The following YWHAG variants were observed in gnomAD, a reference collection of about 807,000 sequenced individuals.
The protein encoded by YWHAG is 14-3-3 protein gamma.
Under a neutral mutation model 23.3 loss-of-function variants are expected in YWHAG, and 1 was observed. The ratio of observed to expected loss-of-function variants is 0.04; its 90% CI spans 0.02 to 0.20. The LOEUF (loss-of-function observed/expected upper bound fraction) is 0.20. YWHAG is among the 10% of genes least tolerant of loss of function. YWHAG has a pLI of 1.00. For missense variants in YWHAG, 151 were observed against 338.6 expected, an observed-to-expected ratio of 0.45 and a Z score of 4.35; for synonymous variants, 160 against 144.0, an observed-to-expected ratio of 1.11 and a Z score of -0.80.
chr7:76,358,934 G>A lies in YWHAG; in HGVS notation c.-126C>T, dbSNP rs994698337. The stretch of plus-strand genomic sequence containing the variant: ...CCACAGAGCGAGCAGCTGAGGCGGC[G>A]GCTGCGCGGAGGAGGCGGCTGGAGC... On this transcript the variant is annotated 5_prime_UTR_variant, in exon 1 of 2. Coordinates refer to ENST00000307630, the MANE Select transcript of YWHAG (RefSeq NM_012479.4). The A allele has an allele frequency of 2.5e-4, 224 of 898,700 alleles. 1 individual carries two copies. The highest frequency in any genetic ancestry group is 2.1e-4 in the Non-Finnish European group (134 of 651,314). 55.7% of individuals were successfully genotyped at this position (898,700 alleles called of 1,614,324 possible). A position where few individuals can be genotyped will look rare whatever the true frequency, so the allele number is the denominator to read the frequency against.
chr7:76,326,834 G>C lies in YWHAG; in HGVS notation c.*2743C>G, dbSNP rs1180226665. On this transcript the variant is annotated 3_prime_UTR_variant, in exon 2 of 2. Transcript: ENST00000307630. The stretch of plus-strand genomic sequence containing the variant: ...AAGTTTATTTGCTCAATGTACGACA[G>C]CTACATAATGACTCACATTCATGAT... The C allele has an allele frequency of 6.6e-6, 1 of 152,608 alleles. No individual in the cohort carries two copies. Among genetic ancestry groups the C allele is most frequent in the East Asian group, 1.9e-4 (1 of 5,198 alleles). 9.5% of individuals were successfully genotyped at this position (152,608 alleles called of 1,614,324 possible).
chr7:76,334,375 T>A (rs1803588346), intron 1 of YWHAG, among the ~76,000 whole-genome samples: 1 of 152,164 alleles, frequency 6.6e-6, no homozygotes. Flanking sequence ...AGATACGGGA[T>A]CTTGTATCAT....
Position 76,329,625 on chromosome 7 carries a change from G to A in YWHAG, c.696C>T (p.Leu232=), listed in dbSNP as rs144055251. The A allele has an allele frequency of 6.3e-4, 1,024 of 1,614,002 alleles. 13 individuals carry two copies. Among genetic ancestry groups the A allele is most frequent in the Middle Eastern group, 1.6e-4 (1 of 6,084 alleles). The change falls in exon 2 of 2, where the codon CTC becomes CTT. Residue 232 remains leucine (L), a synonymous_variant. Coordinates refer to ENST00000307630, the MANE Select transcript of YWHAG (RefSeq NM_012479.4). This position sits in a 1 kb window ranked among gnomAD's most constrained non-coding sequence, Gnocchi z 6.1. ...CGTCGTCCTGCTGGTCGCTCGTCCA[G>A]AGCGTGAGGTTGTCGCGGAGGAGCT... ...IMQLLRDNLT[L]WTSDQQDDDG...
Position 76,327,994 on chromosome 7 carries a change from TACTC to T in YWHAG, c.*1579_*1582del, listed in dbSNP as rs1563660812. On this transcript the variant is annotated 3_prime_UTR_variant, in exon 2 of 2. Coordinates refer to ENST00000307630, the MANE Select transcript of YWHAG (RefSeq NM_012479.4). ...AAGCATCTGTCAGTTTTTCCTCAAT[TACTC>T]ACACCTCTTCTTGCCTAAATAAAAC... 2 of 152,098 alleles carry T rather than the reference TACTC, an allele frequency of 1.3e-5. No homozygotes were observed. Among genetic ancestry groups the T allele is most frequent in the Admixed American group, 6.6e-5 (1 of 15,252 alleles). 9.4% of individuals were successfully genotyped at this position (152,098 alleles called of 1,614,324 possible).
intron 1 of YWHAG, among the ~76,000 whole-genome samples, chr7:76,352,212 C>T (rs1446020586): frequency 6.6e-6 from 1 of 152,176 alleles, no homozygotes; most frequent in Non-Finnish European, 1.5e-5. Flanking sequence ...AATATGGTAG[C>T]TTTAGAGTCA....
rs146036127 is a variant in YWHAG at position 76,356,236 on chromosome 7, C to A, written c.87+2486G>T. 3.5e-4 allele frequency among the ~76,000 whole-genome samples: 54 copies of A among 152,280 alleles called. 1 individual carries two copies. Among genetic ancestry groups the A allele is most frequent in the African/African-American group, 1.2e-3 (51 of 41,544 alleles). ...AGGAAGAAAATTTCTTAGGTAGTTG[C>A]CATTTTGGAACACCTACTACATTTC... On this transcript the variant is annotated intron_variant, in intron 1 of 1. Coordinates refer to ENST00000307630, the MANE Select transcript of YWHAG (RefSeq NM_012479.4).
chr7:76,336,675 C>T lies in YWHAG; in HGVS notation c.88-6442G>A, dbSNP rs183758326. 9.0e-3 allele frequency among the ~76,000 whole-genome samples: 1,362 copies of T among 151,578 alleles called. 27 individuals are homozygous for T. Among genetic ancestry groups the T allele is most frequent in the African/African-American group, 0.031 (1,278 of 41,306 alleles). ...TTCACCACGTTGGCCAGGCTGGTCT[C>T]GAACTCCTGACCTCAGGTGATCCAC... On this transcript the variant is annotated intron_variant, in intron 1 of 1. Transcript: ENST00000307630.
chr7:76,356,658 A>G (rs1352347617), intron 1 of YWHAG, among the ~76,000 whole-genome samples: 2 of 152,252 alleles, frequency 1.3e-5, no homozygotes, highest in Admixed American at 1.3e-4. Context: ...ATTATCGTTT[A>G]AAATTTCTAC....
intron 1 of YWHAG, among the ~76,000 whole-genome samples, chr7:76,335,298 C>A (rs1469429859): frequency 6.6e-6 from 1 of 152,190 alleles, no homozygotes; most frequent in Non-Finnish European, 1.5e-5. Context: ...CCTTGTGATC[C>A]GCCCGCCTCG....
intron 1 of YWHAG, among the ~76,000 whole-genome samples, chr7:76,334,252 A>G (rs1803585916): frequency 6.6e-6 from 1 of 152,234 alleles, no homozygotes; most frequent in African/African-American, 2.4e-5. Context: ...AGAGATCCCC[A>G]CCATATTAGT....
intron 1 of YWHAG, among the ~76,000 whole-genome samples, chr7:76,335,585 G>T (rs1162526335): frequency 6.6e-6 from 1 of 152,192 alleles, no homozygotes; most frequent in African/African-American, 2.4e-5. Context: ...AAGCTACTTA[G>T]ATGACTTTCT....
At chr7:76,332,655 G>A (rs1803561519) in intron 1 of YWHAG, among the ~76,000 whole-genome samples, 1 of 151,570 alleles carries the variant, frequency 6.6e-6, no homozygotes, top group Non-Finnish European at 1.5e-5. Context: ...AGAGTACCTG[G>A]GACTACAGGT....
At chr7:76,332,820 C>CA (rs1803564639) in intron 1 of YWHAG, among the ~76,000 whole-genome samples, 1 of 152,022 alleles carries the variant, frequency 6.6e-6, no homozygotes, top group Non-Finnish European at 1.5e-5. Flanking sequence ...TCTCCTGCCT[C>CA]AGCCTCCCGA....
intron 1 of YWHAG, among the ~76,000 whole-genome samples, chr7:76,340,185 G>C (rs1049579540): frequency 6.6e-6 from 1 of 152,148 alleles, no homozygotes; most frequent in African/African-American, 2.4e-5. Context: ...CACACATTGT[G>C]CAAGGGGCAA....
chr7:76,358,662 C>A, intron 1 of YWHAG, 60 bp downstream of exon 1: 2 of 1,491,782 alleles, frequency 1.3e-6, no homozygotes, highest in South Asian at 2.5e-5. Flanking sequence ...GGGCCTTCCA[C>A]GCCAAGGACC....
chr7:76,332,207 A>G (rs1051832622), intron 1 of YWHAG, among the ~76,000 whole-genome samples: 1 of 152,222 alleles, frequency 6.6e-6, no homozygotes, highest in African/African-American at 2.4e-5. Flanking sequence ...GGAAACCAGG[A>G]AAGAGATGCT....
chr7:76,330,481 G>A (rs990791543), intron 1 of YWHAG, among the ~76,000 whole-genome samples: 4 of 152,212 alleles, frequency 2.6e-5, no homozygotes, highest in African/African-American at 4.8e-5. Flanking sequence ...GGCTTATCAC[G>A]TGTGTTCCAC....
intron 1 of YWHAG, among the ~76,000 whole-genome samples, chr7:76,349,863 G>A (rs982474095): frequency 1.3e-5 from 2 of 151,992 alleles, no homozygotes; most frequent in Non-Finnish European, 2.9e-5. Flanking sequence ...GCGTGGTGGT[G>A]GGCACCTGTA....
intron 1 of YWHAG, among the ~76,000 whole-genome samples, chr7:76,340,103 AAC>A (rs1583987078): frequency 6.6e-6 from 1 of 152,186 alleles, no homozygotes; most frequent in East Asian, 1.9e-4. Context: ...AACAAAACAA[AAC>A]ACACACATAC....
Sources: gnomAD v4.1 joint callset for allele counts (sites outside exome capture counted in the v4.1 genomes callset) on GRCh38, gnomAD v4.1.1 for gene constraint, Gnocchi (gnomAD v3.1) non-coding constraint, MANE v1.5 for transcripts, NCBI Gene and HGNC (gene_info 2026-07-23, HGNC 2026-07-21) for gene names.